MRO: variants seen among roughly 807,000 people sequenced by gnomAD.
MRO encodes the protein maestro.
In MRO, 28 loss-of-function variants were observed where a neutral mutation model predicts 31.0. That is an observed-to-expected ratio of 0.90 (90% confidence interval 0.67 to 1.24). The LOEUF (loss-of-function observed/expected upper bound fraction) is 1.24, where lower values mean the gene tolerates loss of function less well. Ranked by LOEUF, MRO falls within the 50% of genes most tolerant of loss-of-function variation. The pLI, the probability that MRO is intolerant of heterozygous loss-of-function variation, is 0.00. For missense variants in MRO, 332 were observed against 289.2 expected, an observed-to-expected ratio of 1.15 and a Z score of -1.07; for synonymous variants, 108 against 108.4, an observed-to-expected ratio of 1.00 and a Z score of 0.02.
At chr18:50,814,062 T>C (rs2144654616) in intron 2 of MRO, among the ~76,000 whole-genome samples, 1 of 152,320 alleles carries the variant, frequency 6.6e-6, no homozygotes, top group African/African-American at 2.4e-5. Flanking sequence ...GGCTTTTCTT[T>C]TAACAACTTC....
rs374159898 is a variant in MRO, at chr18:50,805,171, T to C, written c.412A>G (p.Arg138Gly). The change falls in exon 5 of 8, where the codon AGG (arginine) becomes GGG (glycine). Residue 138 changes from arginine (R) to glycine (G), a missense_variant. Arg to Gly is a moderately radical substitution (Grantham distance 125). Coordinates refer to ENST00000398439, the MANE Select transcript of MRO (RefSeq NM_031939.6). ...SFFIDITLQT[R>G]TLLDDENDSL... ...TTACTTACGTCATCTAATAAAGTCC[T>C]GGTCTGAAGGGTGATATCTATGAAG... is the stretch of plus-strand genomic sequence containing the variant. The C allele has an allele frequency of 1.2e-5, 19 of 1,612,682 alleles. No homozygotes were observed. The African/African-American group carries it at 2.3e-4, about 19-fold the overall frequency.
intron 2 of MRO, among the ~76,000 whole-genome samples, chr18:50,819,154 T>C (rs1207149586): frequency 6.6e-6 from 1 of 152,148 alleles, no homozygotes; most frequent in Admixed American, 6.5e-5. Flanking sequence ...CAAAGTCAAA[T>C]ACTGGCAGAG....
At chr18:50,821,448 C>T (rs1274255645), upstream of MRO, among the ~76,000 whole-genome samples, 1 of 152,092 alleles carries the variant, frequency 6.6e-6, no homozygotes, top group African/African-American at 2.4e-5. Flanking sequence ...CTGCCAAGAG[C>T]GAGAATGAGG....
chr18:50,819,874 G>A (rs992078237), intron 1 of MRO, 23 bp downstream of exon 1: 1 of 1,549,436 alleles, frequency 6.5e-7, no homozygotes. Context: ...ATATTGTAGG[G>A]TGGCACAAGC....
At chr18:50,803,962 G>A (rs1302943459) in intron 5 of MRO, among the ~76,000 whole-genome samples, 1 of 152,228 alleles carries the variant, frequency 6.6e-6, no homozygotes. Context: ...CTCAGTTTCG[G>A]GCTGAACGAT....
chr18:50,795,256 C>A lies in MRO; in HGVS notation c.*4081G>T, dbSNP rs904478761. ...CATACTATTGAGAGTAAACAATGAC[C>A]GTCCCAGGCTTTCCAAAGCATATAT... On this transcript the variant is annotated 3_prime_UTR_variant, in exon 8 of 8. Transcript: ENST00000398439. 1 of 152,076 alleles carries A rather than the reference C, an allele frequency of 6.6e-6. No homozygotes were observed. Among genetic ancestry groups the A allele is most frequent in the Non-Finnish European group, 1.5e-5 (1 of 68,008 alleles). 9.4% of individuals were successfully genotyped at this position (152,076 alleles called of 1,614,324 possible).
chr18:50,820,862 A>G (rs1396477753), upstream of MRO, among the ~76,000 whole-genome samples: 1 of 152,234 alleles, frequency 6.6e-6, no homozygotes, highest in Non-Finnish European at 1.5e-5. Flanking sequence ...TATAAACCAG[A>G]GAACTATGTC....
rs146838824 is a variant in MRO at position 50,810,896 on chromosome 18, G to A, written c.-4-1492C>T. On this transcript the variant is annotated intron_variant, in intron 2 of 7. Transcript: ENST00000398439. ...AAGTTCTAGGGTACATGCGCACAACGTGCAGGTTTGTTGCATATGTATACA... is the reference window on the plus strand; with the variant it reads ...AAGTTCTAGGGTACATGCGCACAACATGCAGGTTTGTTGCATATGTATACA... Among the ~76,000 whole-genome samples the A allele has an allele frequency of 8.0e-4, 122 of 152,182 alleles. 1 individual carries two copies. In the East Asian group the frequency reaches 0.02, roughly 25 times the overall value.
At chr18:50,803,861 G>GGTCTGTTC (rs1913651027) in intron 5 of MRO, among the ~76,000 whole-genome samples, 1 of 152,218 alleles carries the variant, frequency 6.6e-6, no homozygotes, top group Non-Finnish European at 1.5e-5. Context: ...GTAAATAAAC[G>GGTCTGTTC]GTCTGTTCGC....
At chr18:50,804,720 G>T (rs1249516066) in intron 5 of MRO, among the ~76,000 whole-genome samples, 2 of 152,188 alleles carry the variant, frequency 1.3e-5, no homozygotes, top group Admixed American at 6.5e-5. Context: ...CTCTCAACAA[G>T]ATGTGGTAAT....
intron 5 of MRO, among the ~76,000 whole-genome samples, chr18:50,804,836 G>T (rs1162712228): frequency 6.6e-6 from 1 of 151,798 alleles, no homozygotes; most frequent in African/African-American, 2.4e-5. Context: ...TCTATTGCCA[G>T]GCTGGAGTGC....
chr18:50,820,642 T>C (rs934800423), upstream of MRO, among the ~76,000 whole-genome samples: 2 of 152,230 alleles, frequency 1.3e-5, no homozygotes, highest in Non-Finnish European at 2.9e-5. Context: ...CATTCAATTG[T>C]TACATCAAAC....
Position 50,801,497 on chromosome 18 carries a change from T to C in MRO, c.437A>G (p.Asp146Gly). The change falls in exon 6 of 8, where the codon GAC (aspartate) becomes GGC (glycine). Residue 146 changes from aspartate (D) to glycine (G), a missense_variant. Asp to Gly is a moderately conservative substitution (Grantham distance 94). Transcript: ENST00000398439. ...QTRTLLDDEN[D>G]SLRYSAFVLF... is the part of the protein sequence containing the mutation. ...AACAAAGGCCGAGTATCTCAGACTG[T>C]CGTTCTCCTGCGGTCCCCATCAACA... 1.3e-6 allele frequency: 2 copies of C among 1,593,828 alleles called. No homozygotes were observed. Among genetic ancestry groups the C allele is most frequent in the South Asian group, 1.1e-5 (1 of 87,702 alleles).
In MRO at chr18:50,819,635, G is replaced by C. The variant is rs1305864757; in HGVS notation, c.-59C>G. 6.4e-7 allele frequency: 1 copy of C among 1,551,568 alleles called. No individual in the cohort carries two copies. Among genetic ancestry groups the C allele is most frequent in the East Asian group, 2.4e-5 (1 of 40,908 alleles). On this transcript the variant is annotated 5_prime_UTR_variant, in exon 2 of 8. Coordinates refer to ENST00000398439, the MANE Select transcript of MRO (RefSeq NM_031939.6). ...ATGAACCGGAGCCCGTTCCTGACTC[G>C]GGAGGGCTGCTTTCCCGGGTAGTAG... is the stretch of plus-strand genomic sequence containing the variant.
At chr18:50,821,370 G>A (rs1350129880), upstream of MRO, among the ~76,000 whole-genome samples, 3 of 152,186 alleles carry the variant, frequency 2.0e-5, no homozygotes, top group Non-Finnish European at 4.4e-5. Flanking sequence ...ACAAAACTGA[G>A]AGGAATGGGC....
At chr18:50,804,104 T>C (rs1214526969) in intron 5 of MRO, among the ~76,000 whole-genome samples, 2 of 152,348 alleles carry the variant, frequency 1.3e-5, no homozygotes, top group East Asian at 3.9e-4. Flanking sequence ...TTCTGTGCTT[T>C]GGTTTCCTTG....
At chr18:50,822,005 T>C (rs1568140468), upstream of MRO, among the ~76,000 whole-genome samples, 1 of 152,224 alleles carries the variant, frequency 6.6e-6, no homozygotes, top group Non-Finnish European at 1.5e-5. Flanking sequence ...TATGTGGCCC[T>C]GGGTCACAGT....
intron 4 of MRO, 119 bp from the exon 5 acceptor site, chr18:50,805,455 T>A (rs907881868): frequency 3.3e-5 from 25 of 755,360 alleles, no homozygotes; most frequent in Non-Finnish European, 6.4e-6. Flanking sequence ...CAGGGCTTTT[T>A]TCAAGATCTG....
At chr18:50,804,852 C>T (rs1482566146) in intron 5 of MRO, among the ~76,000 whole-genome samples, 2 of 151,794 alleles carry the variant, frequency 1.3e-5, no homozygotes, top group Admixed American at 6.6e-5. Flanking sequence ...AGTGCAGTGG[C>T]GTGATCTCGG....
Sources: allele counts gnomAD v4.1 joint callset (sites outside exome capture counted in the v4.1 genomes callset), GRCh38; gene constraint gnomAD v4.1.1; transcripts MANE v1.5; gene names NCBI Gene and HGNC (gene_info 2026-07-23, HGNC 2026-07-21).